Variants in LIMK2 observed in about 807,000 individuals in gnomAD.
The protein encoded by LIMK2 is LIM domain kinase 2.
A neutral mutation model predicts 75.7 loss-of-function variants in LIMK2; 35 were observed. The ratio of observed to expected loss-of-function variants is 0.46; its 90% CI spans 0.35 to 0.61. The LOEUF is 0.61. Among genes scored for constraint, LIMK2 ranks in the 20% least tolerant of loss-of-function variants. The pLI, the probability that LIMK2 is intolerant of heterozygous loss-of-function variation, is 0.00. For missense variants in LIMK2, 623 were observed against 831.0 expected (o/e 0.75, Z 3.08); for synonymous variants, 301 against 319.2 (o/e 0.94, Z 0.61).
chr22:31,259,437 G>A (rs1386111562), intron 4 of LIMK2, among the ~76,000 whole-genome samples: 1 of 152,108 alleles, frequency 6.6e-6, no homozygotes, highest in Admixed American at 6.5e-5. Context: ...CCTTGAAAAT[G>A]TCTTCACTCT....
rs761938809 is a variant in LIMK2 at position 31,248,753 on chromosome 22, T to G, written c.117-9538T>G. ...CTTGTCAGTCCCGGCTTACTTCACCTCCAGAGACCTGTTTCGGTGAGTTGG... is the reference window on the plus strand; with the variant it reads ...CTTGTCAGTCCCGGCTTACTTCACCGCCAGAGACCTGTTTCGGTGAGTTGG... On this transcript the variant is annotated intron_variant, in intron 2 of 15. Transcript: ENST00000331728. 1.7e-5 allele frequency: 28 copies of G among 1,614,056 alleles called. No individual in the cohort carries two copies. Among genetic ancestry groups the G allele is most frequent in the Non-Finnish European group, 2.1e-5 (25 of 1,180,028 alleles).
At position 31,239,301 on chromosome 22, in the gene LIMK2, G is replaced by C. The variant is rs564701060; in HGVS notation, c.116+13482G>C. ...TAAATACCTCTGATAGCTCTTCACT[G>C]CCTGTAGGCAACTCTTTAGCCTAGC... is the stretch of plus-strand genomic sequence containing the variant. On this transcript the variant is annotated intron_variant, in intron 2 of 15. Transcript: ENST00000331728. Among the ~76,000 whole-genome samples the C allele has an allele frequency of 2.6e-5, 4 of 152,340 alleles. No homozygotes were observed. The East Asian group carries it at 7.7e-4, about 29-fold the overall frequency.
Position 31,236,335 on chromosome 22 carries a change from G to A in LIMK2, c.116+10516G>A, listed in dbSNP as rs540314561. 4.7e-5 allele frequency among the ~76,000 whole-genome samples: 7 copies of A among 149,410 alleles called. No homozygotes were observed. The South Asian group carries it at 1.5e-3, about 32-fold the overall frequency. On this transcript the variant is annotated intron_variant, in intron 2 of 15. Transcript: ENST00000331728. ...AACAAACTGGAGATACAGGCTGGGTGCAGGGCTTACACTTATAATATCAGC... is the reference window on the plus strand; with the variant it reads ...AACAAACTGGAGATACAGGCTGGGTACAGGGCTTACACTTATAATATCAGC...
intron 2 of LIMK2, among the ~76,000 whole-genome samples, chr22:31,239,756 A>C (rs1206562119): frequency 6.6e-6 from 1 of 152,134 alleles, no homozygotes; most frequent in Non-Finnish European, 1.5e-5. Context: ...TGTATCCCAG[A>C]GCTTAGCAAA....
At chr22:31,277,679 G>A in intron 15 of LIMK2, 1 of 444,610 alleles carries the variant, frequency 2.2e-6, no homozygotes, top group Non-Finnish European at 3.0e-6. Flanking sequence ...CTAAACACTT[G>A]GGTTACAGCA....
rs759901185 is a variant in LIMK2 at position 31,278,312 on chromosome 22, A to G, written c.1788A>G (p.Lys596=). The change falls in exon 16 of 16, where the codon AAA becomes AAG. Residue 596 remains lysine, a synonymous_variant. Coordinates refer to ENST00000331728, the MANE Select transcript of LIMK2 (RefSeq NM_005569.4). ...LEPESRPAFS[K]LEDSFEALSL... ...TTCCTTCTAGACCAGCATTCTCGAAATTGGAGGACTCCTTTGAGGCCCTCT... is the reference window on the plus strand; with the variant it reads ...TTCCTTCTAGACCAGCATTCTCGAAGTTGGAGGACTCCTTTGAGGCCCTCT... 1 of 1,612,590 alleles carries G rather than the reference A, an allele frequency of 6.2e-7. No individual in the cohort carries two copies.
intron 2 of LIMK2, among the ~76,000 whole-genome samples, chr22:31,245,101 CCTT>C (rs1223518719): frequency 1.3e-5 from 2 of 152,164 alleles, no homozygotes; most frequent in African/African-American, 2.4e-5. Context: ...TTCAGTGCTT[CCTT>C]CTTCTGGCTG....
At chr22:31,230,357 A>G (rs1347622946) in intron 2 of LIMK2, among the ~76,000 whole-genome samples, 4 of 152,192 alleles carry the variant, frequency 2.6e-5, no homozygotes, top group Non-Finnish European at 4.4e-5. Flanking sequence ...GGAGCTATCA[A>G]TGGTGACCTG....
At chr22:31,236,305 A>C (rs1429657800) in intron 2 of LIMK2, among the ~76,000 whole-genome samples, 5 of 150,700 alleles carry the variant, frequency 3.3e-5, no homozygotes, top group African/African-American at 1.2e-4. Context: ...AAAAAAAAAA[A>C]AAAAAACAAA....
Position 31,278,544 on chromosome 22 carries a change from C to T in LIMK2, c.*103C>T, listed in dbSNP as rs532285251. Reference sequence around the variant, plus strand: ...GCCGTCCGGGCTTCCTGTGGATTGGCGGAATGTTTAGAAGCAGAACAAGCC... The same window carrying T: ...GCCGTCCGGGCTTCCTGTGGATTGGTGGAATGTTTAGAAGCAGAACAAGCC... On this transcript the variant is annotated 3_prime_UTR_variant, in exon 16 of 16. Transcript: ENST00000331728. 6.9e-6 allele frequency: 9 copies of T among 1,311,468 alleles called. No individual in the cohort carries two copies. The highest frequency in any genetic ancestry group is 2.5e-5 in the East Asian group (1 of 40,624). 81.2% of individuals were successfully genotyped at this position (1,311,468 alleles called of 1,614,324 possible).
In LIMK2 at chr22:31,252,766, A is replaced by G. The variant is rs555451223; in HGVS notation, c.117-5525A>G. ...ACTGGCTACCTTCTGTGAGCCAGGC[A>G]TCATGCAAGACATCTGTACATAATT... On this transcript the variant is annotated intron_variant, in intron 2 of 15. Coordinates refer to ENST00000331728, the MANE Select transcript of LIMK2 (RefSeq NM_005569.4). Among the ~76,000 whole-genome samples the G allele has an allele frequency of 1.6e-4, 24 of 152,282 alleles. 1 individual carries two copies. The South Asian group carries it at 5.0e-3, about 32-fold the overall frequency.
At chr22:31,250,322 A>G (rs1425362103) in intron 2 of LIMK2, among the ~76,000 whole-genome samples, 1 of 152,174 alleles carries the variant, frequency 6.6e-6, no homozygotes, top group Non-Finnish European at 1.5e-5. Flanking sequence ...GCCAGGAACT[A>G]TACCCCTTTT....
intron 2 of LIMK2, among the ~76,000 whole-genome samples, chr22:31,247,251 T>G (rs2048679571): frequency 6.6e-6 from 1 of 152,194 alleles, no homozygotes; most frequent in South Asian, 2.1e-4. Flanking sequence ...TGCTTTTTCC[T>G]TTACAATCCT....
At chr22:31,264,953 G>C (rs893657627) in intron 7 of LIMK2, among the ~76,000 whole-genome samples, 1 of 152,052 alleles carries the variant, frequency 6.6e-6, no homozygotes, top group African/African-American at 2.4e-5. Flanking sequence ...CAGCACTTAG[G>C]GAGGCCGAGA....
chr22:31,272,496 C>T (rs764778229), intron 12 of LIMK2, 34 bp from the exon 13 acceptor site: 16 of 1,571,744 alleles, frequency 1.0e-5, no homozygotes, highest in Non-Finnish European at 1.4e-5. Flanking sequence ...GAGAACATCC[C>T]CATGAAGTCC....
intron 1 of LIMK2, among the ~76,000 whole-genome samples, chr22:31,216,103 G>A (rs977734707): frequency 8.5e-5 from 13 of 152,192 alleles, no homozygotes; most frequent in African/African-American, 3.1e-4. Flanking sequence ...TAGGGTAAGG[G>A]GATAGAAGAA....
chr22:31,259,764 T>G, intron 4 of LIMK2, 125 bp from the exon 5 acceptor site: 1 of 767,466 alleles, frequency 1.3e-6, no homozygotes, highest in Non-Finnish European at 1.9e-6. Flanking sequence ...CCAGCTAGAA[T>G]CATGACAAAG....
chr22:31,240,699 G>A (rs1214435417), intron 2 of LIMK2, among the ~76,000 whole-genome samples: 6 of 152,076 alleles, frequency 3.9e-5, no homozygotes, highest in African/African-American at 1.4e-4. Context: ...TGGGATTACA[G>A]GTGTGAGTCA....
intron 1 of LIMK2, among the ~76,000 whole-genome samples, chr22:31,222,299 G>A (rs918277059): frequency 1.7e-4 from 25 of 149,270 alleles, no homozygotes; most frequent in African/African-American, 3.5e-4. Context: ...TCAAATTCCC[G>A]ACCTCAGGTG....
Sources: allele counts gnomAD v4.1 joint callset (sites outside exome capture counted in the v4.1 genomes callset), GRCh38; gene constraint gnomAD v4.1.1; transcripts MANE v1.5; gene names NCBI Gene and HGNC (gene_info 2026-07-23, HGNC 2026-07-21).